Variants in FBXO34 observed in about 807,000 individuals in gnomAD.
FBXO34 encodes the protein F-box protein 34, also known as F-box only protein 34.
In FBXO34, 12 loss-of-function variants were observed where a neutral mutation model predicts 24.5. The ratio of observed to expected loss-of-function variants is 0.49; its 90% CI spans 0.31 to 0.79. The LOEUF (loss-of-function observed/expected upper bound fraction) is 0.79. Ranked by LOEUF, FBXO34 falls within the 30% of genes least tolerant of loss-of-function variation. The pLI is 0.04. For missense variants in FBXO34, 823 were observed against 857.7 expected (o/e 0.96, Z 0.51); for synonymous variants, 320 against 311.9 (o/e 1.03, Z -0.27).
rs1167344634 is a variant in FBXO34, at chr14:55,296,391, GTTTT to G, written c.-11+24875_-11+24878del. 2.5e-4 allele frequency among the ~76,000 whole-genome samples: 16 copies of G among 64,752 alleles called. 1 individual carries two copies. Among genetic ancestry groups the G allele is most frequent in the Admixed American group, 5.6e-4 (3 of 5,372 alleles). 42.5% of individuals were successfully genotyped at this position (64,752 alleles called of 152,430 possible). A position where few individuals can be genotyped will look rare whatever the true frequency, so the allele number is the denominator to read the frequency against. On this transcript the variant is annotated intron_variant, in intron 1 of 1. Transcript: ENST00000313833. ...GTTTTGCTGTTCTTGTGTTTTTTTT[GTTTT>G]TTTTTTTTTTTTTTTTTTTTGAGAC...
chr14:55,400,233 G>GAA, the FBXO34 span, among the ~76,000 whole-genome samples: 1 of 152,106 alleles, frequency 6.6e-6, no homozygotes, highest in Non-Finnish European at 1.5e-5. Context: ...CCACAAGTCT[G>GAA]TGCTTTCTCA....
intron 1 of FBXO34, among the ~76,000 whole-genome samples, chr14:55,281,332 G>A (rs1006340055): frequency 1.3e-5 from 2 of 150,766 alleles, no homozygotes; most frequent in African/African-American, 4.9e-5. Context: ...CATGTGGTTA[G>A]TGGCTGCTGT....
the FBXO34 span, among the ~76,000 whole-genome samples, chr14:55,436,141 C>T: frequency 6.6e-6 from 1 of 152,208 alleles, no homozygotes; most frequent in Admixed American, 6.5e-5. Context: ...AATTTCATGA[C>T]TAGCTGCTAA....
intron 1 of FBXO34, among the ~76,000 whole-genome samples, chr14:55,330,135 A>G (rs1272522221): frequency 6.6e-6 from 1 of 152,184 alleles, no homozygotes; most frequent in Admixed American, 6.5e-5. Context: ...AACTTGGGAA[A>G]TACTACACTT....
the FBXO34 span, among the ~76,000 whole-genome samples, chr14:55,423,703 T>G: frequency 6.6e-6 from 1 of 152,228 alleles, no homozygotes; most frequent in Non-Finnish European, 1.5e-5. Flanking sequence ...CATTCCTTTA[T>G]ATAATGTAAC....
chr14:55,279,406 A>G (rs1476221249), intron 1 of FBXO34, among the ~76,000 whole-genome samples: 2 of 152,130 alleles, frequency 1.3e-5, no homozygotes, highest in African/African-American at 4.8e-5. Flanking sequence ...AAATAAATAA[A>G]CTGTGATTTC....
intron 1 of FBXO34, among the ~76,000 whole-genome samples, chr14:55,345,248 C>A (rs1316874358): frequency 2.0e-5 from 3 of 152,182 alleles, no homozygotes; most frequent in African/African-American, 7.2e-5. Context: ...GAGGACCCAT[C>A]CTTGACTCCT....
chr14:55,320,175 C>T (rs59224117), intron 1 of FBXO34, among the ~76,000 whole-genome samples: 17 of 152,144 alleles, frequency 1.1e-4, no homozygotes, highest in Non-Finnish European at 1.8e-4. Context: ...TTGCCTGAAG[C>T]GTGCATTTGA....
the FBXO34 span, among the ~76,000 whole-genome samples, chr14:55,393,630 G>C: frequency 1.3e-5 from 2 of 150,496 alleles, no homozygotes; most frequent in African/African-American, 4.9e-5. Context: ...ACTTCAGCCT[G>C]ACCTCCCTGG....
chr14:55,371,014 C>A (rs1036993821), downstream of FBXO34, among the ~76,000 whole-genome samples: 6 of 152,156 alleles, frequency 3.9e-5, no homozygotes, highest in African/African-American at 1.4e-4. Flanking sequence ...GGCTGCATGT[C>A]CTCCCTGTAG....
At chr14:55,276,454 C>T (rs2139627203) in intron 1 of FBXO34, among the ~76,000 whole-genome samples, 1 of 151,996 alleles carries the variant, frequency 6.6e-6, no homozygotes, top group East Asian at 1.9e-4. Flanking sequence ...TAGACATTTC[C>T]CCATGCCTAT....
chr14:55,401,670 G>A, the FBXO34 span, among the ~76,000 whole-genome samples: 1 of 151,926 alleles, frequency 6.6e-6, no homozygotes, highest in Non-Finnish European at 1.5e-5. Context: ...GTTAAAAAAA[G>A]GTACTCCCTT....
chr14:55,275,678 G>A (rs1286711812), intron 1 of FBXO34, among the ~76,000 whole-genome samples: 1 of 151,220 alleles, frequency 6.6e-6, no homozygotes, highest in Non-Finnish European at 1.5e-5. Flanking sequence ...CAAAAAATTA[G>A]CCAGGCGTGG....
chr14:55,424,312 C>T, the FBXO34 span: 2 of 1,082,534 alleles, frequency 1.8e-6, no homozygotes, highest in African/African-American at 1.6e-5. Context: ...TTTCCCATAA[C>T]ATGTAAGGCC....
the FBXO34 span, among the ~76,000 whole-genome samples, chr14:55,383,304 A>G: frequency 6.6e-6 from 1 of 152,214 alleles, no homozygotes; most frequent in East Asian, 1.9e-4. Context: ...TAATCCCAGC[A>G]CTTTGGAAGG....
intron 1 of FBXO34, among the ~76,000 whole-genome samples, chr14:55,311,944 T>G (rs1039636904): frequency 6.6e-6 from 1 of 152,110 alleles, no homozygotes; most frequent in Non-Finnish European, 1.5e-5. Context: ...CTCACGTCTG[T>G]AATCCCCAGC....
the FBXO34 span, among the ~76,000 whole-genome samples, chr14:55,407,301 T>C: frequency 2.0e-4 from 30 of 152,192 alleles, no homozygotes; most frequent in Non-Finnish European, 3.7e-4. Context: ...CAGCTAATTT[T>C]TGTATTTTGA....
At chr14:55,414,067 A>G in the FBXO34 span, 29 of 560,146 alleles carry the variant, frequency 5.2e-5, 1 homozygote, top group African/African-American at 1.3e-4. Context: ...CATTTTGGCA[A>G]ATTACTGGAA....
the FBXO34 span, among the ~76,000 whole-genome samples, chr14:55,408,588 T>G: frequency 6.6e-6 from 1 of 152,028 alleles, no homozygotes; most frequent in East Asian, 1.9e-4. Context: ...CTGGACAAGA[T>G]AGGGAGACCC....
Sources: allele counts gnomAD v4.1 joint callset (sites outside exome capture counted in the v4.1 genomes callset), GRCh38; gene constraint gnomAD v4.1.1; transcripts MANE v1.5; gene names NCBI Gene and HGNC (gene_info 2026-07-23, HGNC 2026-07-21).